Variants in CLASP1 observed in about 807,000 individuals in gnomAD.
CLASP1 encodes CLIP-associating protein 1.
Under a neutral mutation model 192.3 loss-of-function variants are expected in CLASP1, and 38 were observed. The observed-to-expected ratio is 0.20, with a 90% CI of 0.15 to 0.26. CLASP1 has a LOEUF of 0.26. CLASP1 is among the 10% of genes least tolerant of loss of function. The pLI, the probability that CLASP1 is intolerant of heterozygous loss-of-function variation, is 1.00. For missense variants in CLASP1, 1,433 were observed against 1,932.5 expected, an observed-to-expected ratio of 0.74 and a Z score of 4.85; for synonymous variants, 691 against 712.8, an observed-to-expected ratio of 0.97 and a Z score of 0.49.
At chr2:121,418,578 G>C in intron 23 of CLASP1, 44 bp downstream of exon 23, 1 of 1,361,262 alleles carries the variant, frequency 7.3e-7, no homozygotes, top group Non-Finnish European at 1.1e-6. Flanking sequence ...GACAAGCAGG[G>C]AAAGGAACTC....
chr2:121,416,943 C>A (rs1403945546), intron 23 of CLASP1, among the ~76,000 whole-genome samples: 1 of 152,178 alleles, frequency 6.6e-6, no homozygotes, highest in East Asian at 1.9e-4. Flanking sequence ...GTTGTTCTTG[C>A]TGGACATAAG....
intron 2 of CLASP1, among the ~76,000 whole-genome samples, chr2:121,540,985 A>T (rs2095220983): frequency 6.6e-6 from 1 of 152,226 alleles, no homozygotes; most frequent in Non-Finnish European, 1.5e-5. Flanking sequence ...AAAATACATC[A>T]TTAAATTGTG....
chr2:121,599,331 T>A (rs2063517084), intron 2 of CLASP1, among the ~76,000 whole-genome samples: 1 of 149,106 alleles, frequency 6.7e-6, no homozygotes, highest in South Asian at 2.1e-4. Flanking sequence ...GGCTCACAAC[T>A]GTAATCCCAG....
chr2:121,437,306 T>C (rs1240146026), intron 19 of CLASP1, among the ~76,000 whole-genome samples: 1 of 152,190 alleles, frequency 6.6e-6, no homozygotes, highest in Non-Finnish European at 1.5e-5. Flanking sequence ...TTTCTAGAAG[T>C]TCCATTTGCT....
chr2:121,441,574 A>C (rs2083348507), intron 19 of CLASP1, among the ~76,000 whole-genome samples: 1 of 152,054 alleles, frequency 6.6e-6, no homozygotes, highest in Admixed American at 6.5e-5. Flanking sequence ...AAAAAATTGA[A>C]AAATTAGCCA....
At chr2:121,442,481 C>CTTTTTTTTTTTTTTTTTTT (rs761873166) in intron 19 of CLASP1, among the ~76,000 whole-genome samples, 6 of 144,402 alleles carry the variant, frequency 4.2e-5, no homozygotes, top group South Asian at 2.2e-4. Flanking sequence ...AAATTTCTTT[C>CTTTTTTTTTTTTTTTTTTT]TTTTTTTTTT....
intron 19 of CLASP1, among the ~76,000 whole-genome samples, chr2:121,437,728 G>T (rs764124917): frequency 6.6e-6 from 1 of 152,146 alleles, no homozygotes; most frequent in Non-Finnish European, 1.5e-5. Flanking sequence ...GATGATGCAG[G>T]TCTTAAATAG....
chr2:121,388,684 G>A (rs2073792195), intron 30 of CLASP1, among the ~76,000 whole-genome samples: 1 of 152,156 alleles, frequency 6.6e-6, no homozygotes, highest in Non-Finnish European at 1.5e-5. Flanking sequence ...CACAATGCCT[G>A]AGGAATTAAT....
intron 1 of CLASP1, among the ~76,000 whole-genome samples, chr2:121,638,844 T>C (rs1351950832): frequency 6.6e-6 from 1 of 151,994 alleles, no homozygotes; most frequent in Non-Finnish European, 1.5e-5. Flanking sequence ...ATTTTTTGTA[T>C]ATTTAGTAGA....
intron 2 of CLASP1, among the ~76,000 whole-genome samples, chr2:121,569,848 A>G (rs774617287): frequency 3.9e-5 from 6 of 152,196 alleles, no homozygotes; most frequent in Non-Finnish European, 5.9e-5. Context: ...CAAAAAAAAA[A>G]AGATTACTTG....
At chr2:121,404,501 C>CT (rs2076624604) in intron 25 of CLASP1, 67 bp from the exon 27 acceptor site, 1 of 1,380,694 alleles carries the variant, frequency 7.2e-7, no homozygotes, top group Non-Finnish European at 1.0e-6. Flanking sequence ...GGGTCTCACT[C>CT]TATTACCCAG....
intron 26 of CLASP1, 143 bp downstream of exon 27, chr2:121,404,228 C>A: frequency 7.2e-7 from 1 of 1,390,042 alleles, no homozygotes. Flanking sequence ...AAAGATGTAA[C>A]ATACACTAGT....
chr2:121,544,907 C>CTTTTTTTTTTTTTTTTTTTTTTTT (rs3078562), intron 2 of CLASP1, among the ~76,000 whole-genome samples: 1 of 122,884 alleles, frequency 8.1e-6, no homozygotes, highest in African/African-American at 3.0e-5. Flanking sequence ...CTTTTCTTTT[C>CTTTTTTTTTTTTTTTTTTTTTTTT]TTTTTTTTTT....
chr2:121,581,260 C>CTTTTTTTTTTTTTTTTTTTTTT lies in CLASP1; in HGVS notation c.195+24419_195+24440dup, dbSNP rs60345742. Among the ~76,000 whole-genome samples the CTTTTTTTTTTTTTTTTTTTTTT allele has an allele frequency of 3.6e-4, 21 of 57,670 alleles. 2 individuals are homozygous for CTTTTTTTTTTTTTTTTTTTTTT. Among genetic ancestry groups the CTTTTTTTTTTTTTTTTTTTTTT allele is most frequent in the African/African-American group, 1.5e-3 (21 of 13,810 alleles). 37.8% of individuals were successfully genotyped at this position (57,670 alleles called of 152,430 possible). ...TCTGCCTCCCAAAAGGCCTTTTGTT[C>CTTTTTTTTTTTTTTTTTTTTTT]TTTTTTTTTTTTTTTTTTTTTTTTT... On this transcript the variant is annotated intron_variant, in intron 2 of 39. Transcript: ENST00000263710.
At chr2:121,447,018 G>A (rs1235099682) in intron 19 of CLASP1, among the ~76,000 whole-genome samples, 1 of 152,170 alleles carries the variant, frequency 6.6e-6, no homozygotes. Flanking sequence ...ACTTAGCTTT[G>A]ACAATATGGG....
At chr2:121,647,984 G>A (rs888794080) in intron 1 of CLASP1, among the ~76,000 whole-genome samples, 22 of 152,286 alleles carry the variant, frequency 1.4e-4, no homozygotes, top group African/African-American at 4.8e-4. Flanking sequence ...CTAAAAAGGT[G>A]TATTACACAA....
intron 2 of CLASP1, among the ~76,000 whole-genome samples, chr2:121,585,670 C>T (rs1487497400): frequency 6.6e-6 from 1 of 152,096 alleles, no homozygotes; most frequent in Non-Finnish European, 1.5e-5. Context: ...GAGGCCGAAG[C>T]GGGCAGATCA....
At position 121,479,709 on chromosome 2, in the gene CLASP1, G is replaced by A. The variant is rs556519005; in HGVS notation, c.713-9749C>T. 4.6e-5 allele frequency among the ~76,000 whole-genome samples: 7 copies of A among 152,176 alleles called. No homozygotes were observed. The East Asian group carries it at 9.7e-4, about 21-fold the overall frequency. On this transcript the variant is annotated intron_variant, in intron 8 of 39. Transcript: ENST00000263710. ...TCAAAGTATGGGAACTGGGGTACAC[G>A]TATCACCCCCAATCCAGTCAATATG...
At chr2:121,537,158 A>C (rs2095106496) in intron 2 of CLASP1, among the ~76,000 whole-genome samples, 1 of 152,170 alleles carries the variant, frequency 6.6e-6, no homozygotes, top group African/African-American at 2.4e-5. Flanking sequence ...TTGAGAGGTC[A>C]AGGCAGGCAG....
Sources: gnomAD v4.1 joint callset for allele counts (sites outside exome capture counted in the v4.1 genomes callset) on GRCh38, gnomAD v4.1.1 for gene constraint, MANE v1.5 for transcripts, NCBI Gene and HGNC (gene_info 2026-07-23, HGNC 2026-07-21) for gene names.